The following ANXA8 variants were observed in gnomAD, a reference collection of about 807,000 sequenced individuals.
ANXA8 encodes annexin A8.
A neutral mutation model predicts 26.8 loss-of-function variants in ANXA8; 9 were observed. That is an observed-to-expected ratio of 0.34 (90% CI 0.20 to 0.59). The LOEUF (loss-of-function observed/expected upper bound fraction) is 0.59. Among genes scored for constraint, ANXA8 ranks in the 20% least tolerant of loss-of-function variants. The pLI, the probability that ANXA8 is intolerant of heterozygous loss-of-function variation, is 0.84. For missense variants in ANXA8, 83 were observed against 238.5 expected (o/e 0.35, Z 4.29); for synonymous variants, 39 against 94.8 (o/e 0.41, Z 3.42).
At chr10:47,580,760 A>AC in the ANXA8 span, among the ~76,000 whole-genome samples, 6 of 149,018 alleles carry the variant, frequency 4.0e-5, no homozygotes, top group African/African-American at 1.5e-4. Context: ...AAACAAAAAA[A>AC]AAAAACAAAA....
At chr10:47,951,847 T>C in the ANXA8 span, among the ~76,000 whole-genome samples, 1 of 142,504 alleles carries the variant, frequency 7.0e-6, no homozygotes, top group Non-Finnish European at 1.5e-5. Context: ...GGAATATACA[T>C]GCAAACATCC....
chr10:47,896,931 T>C, the ANXA8 span, among the ~76,000 whole-genome samples: 1 of 150,482 alleles, frequency 6.6e-6, no homozygotes, highest in Non-Finnish European at 1.5e-5. Flanking sequence ...TTTATTTATT[T>C]ATTTATTTTT....
At chr10:47,768,816 C>T in the ANXA8 span, among the ~76,000 whole-genome samples, 4 of 151,640 alleles carry the variant, frequency 2.6e-5, no homozygotes, top group South Asian at 2.1e-4. Context: ...AGAGAGTAGG[C>T]AGCTGCTGTG....
the ANXA8 span, among the ~76,000 whole-genome samples, chr10:47,658,222 G>C: frequency 6.6e-6 from 1 of 151,622 alleles, no homozygotes; most frequent in African/African-American, 2.4e-5. Context: ...ATAAAAATCA[G>C]CTAGCCATGG....
chr10:47,546,272 T>C, the ANXA8 span, among the ~76,000 whole-genome samples: 1 of 138,200 alleles, frequency 7.2e-6, no homozygotes, highest in Non-Finnish European at 1.6e-5. Context: ...CTAACTTGTA[T>C]GTTAATTTGT....
At chr10:47,718,195 A>G in the ANXA8 span, among the ~76,000 whole-genome samples, 75 of 152,200 alleles carry the variant, frequency 4.9e-4, no homozygotes, top group Non-Finnish European at 1.0e-3. Context: ...TTTAGGCCAG[A>G]CACATTGGCT....
chr10:47,685,747 TTTA>T, the ANXA8 span, among the ~76,000 whole-genome samples: 4 of 149,340 alleles, frequency 2.7e-5, no homozygotes, highest in African/African-American at 9.9e-5. Flanking sequence ...GGTAGAACAA[TTTA>T]GGAAAGAGTA....
chr10:47,494,760 T>C, the ANXA8 span, among the ~76,000 whole-genome samples: 1 of 150,192 alleles, frequency 6.7e-6, no homozygotes, highest in South Asian at 2.1e-4. Flanking sequence ...TTCACCCACC[T>C]GTGGGTATCA....
chr10:47,672,150 G>C, the ANXA8 span, among the ~76,000 whole-genome samples: 3 of 149,892 alleles, frequency 2.0e-5, no homozygotes, highest in South Asian at 2.1e-4. Context: ...GATGCCATTT[G>C]GGTCATTTTC....
chr10:47,513,214 T>C, the ANXA8 span, among the ~76,000 whole-genome samples: 3 of 149,238 alleles, frequency 2.0e-5, no homozygotes, highest in Admixed American at 6.8e-5. Context: ...TTTGTATTTT[T>C]AGTAGAGATG....
the ANXA8 span, among the ~76,000 whole-genome samples, chr10:47,558,958 T>C: frequency 4.0e-5 from 6 of 151,564 alleles, no homozygotes; most frequent in African/African-American, 1.5e-4. Flanking sequence ...ACCTATTATT[T>C]GACTTTATTG....
At chr10:47,546,156 C>G in the ANXA8 span, among the ~76,000 whole-genome samples, 2 of 134,812 alleles carry the variant, frequency 1.5e-5, no homozygotes, top group African/African-American at 5.4e-5. Flanking sequence ...AAGTGATAAT[C>G]AATGAAATAT....
chr10:47,559,892 A>C, the ANXA8 span, among the ~76,000 whole-genome samples: 4 of 151,828 alleles, frequency 2.6e-5, no homozygotes, highest in Non-Finnish European at 5.9e-5. Flanking sequence ...TTATTGGTTC[A>C]TAGCCTACAG....
At chr10:47,733,365 T>C in the ANXA8 span, among the ~76,000 whole-genome samples, 1 of 134,190 alleles carries the variant, frequency 7.5e-6, no homozygotes, top group African/African-American at 3.0e-5. Context: ...TACGCTGTTA[T>C]TGCAAAAGCA....
At chr10:47,587,214 A>T in the ANXA8 span, among the ~76,000 whole-genome samples, 2 of 146,636 alleles carry the variant, frequency 1.4e-5, no homozygotes, top group African/African-American at 2.7e-5. Context: ...AAAAAAAAAA[A>T]AAATAAAAAT....
the ANXA8 span, among the ~76,000 whole-genome samples, chr10:47,719,199 G>A: frequency 6.2e-4 from 83 of 133,872 alleles, 2 homozygotes; most frequent in Non-Finnish European, 1.2e-3. Context: ...TCGCTCTTTC[G>A]CCCAGGCCGG....
chr10:47,553,442 A>G, the ANXA8 span: 1 of 160,050 alleles, frequency 6.2e-6, no homozygotes. Context: ...AGAGCCACGG[A>G]CCCAACCGCC....
upstream of ANXA8, chr10:47,484,384 C>A (rs1588935437): frequency 2.1e-5 from 21 of 983,940 alleles, no homozygotes; most frequent in Non-Finnish European, 2.8e-5. Flanking sequence ...GCACCCAGCC[C>A]ATTTTCATCA....
chr10:47,696,781 G>A, the ANXA8 span, among the ~76,000 whole-genome samples: 27 of 147,894 alleles, frequency 1.8e-4, no homozygotes, highest in Non-Finnish European at 4.5e-5. Flanking sequence ...GGGAGTCAGA[G>A]ACCTCTTTGA....
Sources: allele counts gnomAD v4.1 joint callset (sites outside exome capture counted in the v4.1 genomes callset), GRCh38; gene constraint gnomAD v4.1.1; transcripts MANE v1.5; gene names NCBI Gene and HGNC (gene_info 2026-07-23, HGNC 2026-07-21).